Variants in RBMS1 observed in about 807,000 individuals in gnomAD.
RBMS1 encodes the protein RNA binding motif single stranded interacting protein 1, also known as RNA-binding motif, single-stranded-interacting protein 1.
RBMS1 carries 17 observed loss-of-function variants against 62.3 expected under a neutral mutation model. That is an observed-to-expected ratio of 0.27 (90% CI 0.19 to 0.41). The LOEUF (loss-of-function observed/expected upper bound fraction) is 0.41, where lower values mean the gene tolerates loss of function less well. RBMS1 is among the 10% of genes least tolerant of loss of function. The pLI, the probability that RBMS1 is intolerant of heterozygous loss-of-function variation, is 1.00. For missense variants in RBMS1, 334 were observed against 504.5 expected (o/e 0.66, Z 3.24); for synonymous variants, 172 against 170.0 (o/e 1.01, Z -0.09).
At chr2:160,276,848 C>T (rs530066875) in intron 12 of RBMS1, among the ~76,000 whole-genome samples, 28 of 152,252 alleles carry the variant, frequency 1.8e-4, no homozygotes, top group African/African-American at 4.6e-4. Context: ...CAAGACAGAA[C>T]GTCCGAGGGG....
chr2:160,313,042 G>T, intron 4 of RBMS1, 114 bp downstream of exon 4: 3 of 927,004 alleles, frequency 3.2e-6, no homozygotes, highest in Middle Eastern at 4.5e-4. Context: ...TCCAGAAGGC[G>T]CTGTGCTGAG....
intron 1 of RBMS1, among the ~76,000 whole-genome samples, chr2:160,474,578 A>G (rs1247934907): frequency 2.0e-5 from 3 of 152,250 alleles, no homozygotes; most frequent in Admixed American, 2.0e-4. Context: ...AACGTATTCA[A>G]CGCCACTGAA....
intron 7 of RBMS1, among the ~76,000 whole-genome samples, chr2:160,285,841 ATGGTTCACGCC>A (rs1688356808): frequency 1.3e-5 from 2 of 151,912 alleles, no homozygotes; most frequent in Admixed American, 6.6e-5. Flanking sequence ...GCCGAGCACG[ATGGTTCACGCC>A]TGTAATCCCA....
intron 2 of RBMS1, among the ~76,000 whole-genome samples, chr2:160,324,903 T>TACACACACAC (rs1293841336): frequency 2.5e-5 from 3 of 118,988 alleles, no homozygotes; most frequent in African/African-American, 1.1e-4. Context: ...TATATATATA[T>TACACACACAC]ATATACACAC....
intron 9 of RBMS1, 34 bp downstream of exon 9, chr2:160,284,741 G>T: frequency 7.0e-7 from 1 of 1,423,368 alleles, no homozygotes; most frequent in South Asian, 1.1e-5. Context: ...GTCCGCAAGT[G>T]GTTATACTGC....
At chr2:160,357,390 G>A (rs1692860036) in intron 2 of RBMS1, among the ~76,000 whole-genome samples, 1 of 151,980 alleles carries the variant, frequency 6.6e-6, no homozygotes, top group Non-Finnish European at 1.5e-5. Flanking sequence ...ATACCCTAAA[G>A]AAAAAGGTCA....
chr2:160,348,575 T>G (rs1357083398), intron 2 of RBMS1, among the ~76,000 whole-genome samples: 1 of 152,116 alleles, frequency 6.6e-6, no homozygotes. Flanking sequence ...TGCTTCTCAT[T>G]GATGGCTGAG....
chr2:160,302,204 T>A (rs1484395522), intron 5 of RBMS1, among the ~76,000 whole-genome samples: 1 of 140,810 alleles, frequency 7.1e-6, no homozygotes, highest in Non-Finnish European at 1.6e-5. Flanking sequence ...ACTTTTAGAC[T>A]TTTTTTTTTT....
chr2:160,277,229 T>A, intron 12 of RBMS1, 74 bp downstream of exon 12: 1 of 1,328,396 alleles, frequency 7.5e-7, no homozygotes, highest in Non-Finnish European at 1.1e-6. Context: ...GGTAGATTTT[T>A]CTGAGTTCTA....
At chr2:160,318,303 C>A in intron 2 of RBMS1, 76 bp from the exon 3 acceptor site, 1 of 1,442,414 alleles carries the variant, frequency 6.9e-7, no homozygotes, top group South Asian at 1.4e-5. Context: ...CTTATTAATG[C>A]CTAAATCCAA....
intron 10 of RBMS1, chr2:160,279,362 A>G (rs1433583725): frequency 2.0e-5 from 3 of 146,454 alleles, no homozygotes; most frequent in African/African-American, 8.3e-5. Context: ...ATAGGAGGGA[A>G]AAAAAAAACA....
intron 1 of RBMS1, among the ~76,000 whole-genome samples, chr2:160,491,842 C>T (rs992259158): frequency 2.0e-5 from 3 of 152,158 alleles, no homozygotes; most frequent in African/African-American, 4.8e-5. Context: ...AAAACAAATA[C>T]TGTGAGAACT....
intron 1 of RBMS1, among the ~76,000 whole-genome samples, chr2:160,404,602 A>G (rs147223814): frequency 1.3e-5 from 2 of 152,300 alleles, no homozygotes; most frequent in East Asian, 1.9e-4. Flanking sequence ...ATACTACGCA[A>G]TTTTATATCA....
chr2:160,280,842 C>T (rs955275650), intron 10 of RBMS1, among the ~76,000 whole-genome samples: 3 of 152,120 alleles, frequency 2.0e-5, no homozygotes, highest in Admixed American at 6.6e-5. Flanking sequence ...TATATGAATG[C>T]TCACGTCATT....
At chr2:160,410,221 C>CAAAAAAAA in intron 1 of RBMS1, among the ~76,000 whole-genome samples, 1 of 68,016 alleles carries the variant, frequency 1.5e-5, no homozygotes, top group Non-Finnish European at 2.6e-5. Context: ...GACCCCGTCT[C>CAAAAAAAA]AAAAAAAAAA....
chr2:160,413,274 A>T (rs944576455), intron 1 of RBMS1, among the ~76,000 whole-genome samples: 36 of 152,216 alleles, frequency 2.4e-4, no homozygotes. Context: ...CACCAAAAAA[A>T]ACCTATTTAC....
chr2:160,470,100 T>G (rs541707200), intron 1 of RBMS1, among the ~76,000 whole-genome samples: 1 of 152,278 alleles, frequency 6.6e-6, no homozygotes, highest in East Asian at 1.9e-4. Context: ...CAAGCTGGTG[T>G]TCTGCTTGGA....
intron 6 of RBMS1, among the ~76,000 whole-genome samples, chr2:160,289,531 C>A (rs1244407178): frequency 1.3e-5 from 2 of 152,102 alleles, no homozygotes; most frequent in African/African-American, 4.8e-5. Flanking sequence ...TCTATTTAAC[C>A]ATCAAAATTT....
chr2:160,387,833 A>G (rs1202415817), intron 1 of RBMS1, among the ~76,000 whole-genome samples: 1 of 152,088 alleles, frequency 6.6e-6, no homozygotes, highest in Non-Finnish European at 1.5e-5. Flanking sequence ...AGACAGGAAA[A>G]AAAAAAAGAA....
Sources: allele counts gnomAD v4.1 joint callset (sites outside exome capture counted in the v4.1 genomes callset), GRCh38; gene constraint gnomAD v4.1.1; transcripts MANE v1.5; gene names NCBI Gene and HGNC (gene_info 2026-07-23, HGNC 2026-07-21).